RTTN: variants seen among roughly 807,000 people sequenced by gnomAD.
The protein encoded by RTTN is rotatin.
Under a neutral mutation model 269.2 loss-of-function variants are expected in RTTN, and 182 were observed. That is an observed-to-expected ratio of 0.68 (90% CI 0.60 to 0.76). The LOEUF is 0.76. Ranked by LOEUF, RTTN falls within the 30% of genes least tolerant of loss-of-function variation. The probability of loss-of-function intolerance (pLI) is 0.00; values close to 1 mark genes in which losing one functional copy is unlikely to be tolerated. For missense variants in RTTN, 2,545 were observed against 2,608.6 expected (o/e 0.98, Z 0.53); for synonymous variants, 1,006 against 963.5 (o/e 1.04, Z -0.82).
In RTTN at chr18:70,135,774, T is replaced by C. The variant is rs144476817; in HGVS notation, c.2789-494A>G. Among the ~76,000 whole-genome samples, 52 of 152,288 alleles carry C rather than the reference T, an allele frequency of 3.4e-4. 1 individual carries two copies. The East Asian group carries it at 9.1e-3, about 27-fold the overall frequency. ...ATGTTATCCTTGGGCTGTGTCATTG[T>C]TTTGGTTCCTTTTAATTATGACAAG... On this transcript the variant is annotated intron_variant, in intron 21 of 48. Coordinates refer to ENST00000640769, the MANE Select transcript of RTTN (RefSeq NM_173630.4).
intron 14 of RTTN, among the ~76,000 whole-genome samples, chr18:70,151,920 C>T (rs761838158): frequency 6.6e-6 from 1 of 152,112 alleles, no homozygotes; most frequent in Non-Finnish European, 1.5e-5. Flanking sequence ...CACAAGAGTT[C>T]GCTGTCCTCA....
At chr18:70,097,145 T>C (rs1457558716) in intron 28 of RTTN, among the ~76,000 whole-genome samples, 1 of 152,236 alleles carries the variant, frequency 6.6e-6, no homozygotes. Flanking sequence ...GATTTAAAGA[T>C]TTAATTATCA....
At chr18:70,158,083 T>C (rs2060730943) in intron 14 of RTTN, among the ~76,000 whole-genome samples, 1 of 151,818 alleles carries the variant, frequency 6.6e-6, no homozygotes, top group Non-Finnish European at 1.5e-5. Context: ...ATAAGCAAAT[T>C]CAGGAAACTC....
rs985672953 is a variant in RTTN, at chr18:70,134,363, G to A, written c.2954+110C>T. 1.9e-5 allele frequency: 16 copies of A among 829,184 alleles called. No individual in the cohort carries two copies. In the East Asian group the frequency reaches 4.4e-4, roughly 23 times the overall value. 51.4% of individuals were successfully genotyped at this position (829,184 alleles called of 1,614,324 possible). ...TTGTGAAGGAACCATGAAAGCCCAA[G>A]TTATGGGATTTAAATGCTAAATGAA... is the stretch of plus-strand genomic sequence containing the variant. On this transcript the variant is annotated intron_variant, in intron 23 of 48. Coordinates refer to ENST00000640769, the MANE Select transcript of RTTN (RefSeq NM_173630.4).
chr18:70,155,452 C>T (rs1206064606), intron 14 of RTTN, among the ~76,000 whole-genome samples: 1 of 152,206 alleles, frequency 6.6e-6, no homozygotes, highest in East Asian at 1.9e-4. Context: ...TTAAAATTCA[C>T]AACAACACAA....
At chr18:70,099,413 C>T (rs1190834556) in intron 28 of RTTN, among the ~76,000 whole-genome samples, 2 of 152,172 alleles carry the variant, frequency 1.3e-5, no homozygotes, top group Non-Finnish European at 2.9e-5. Context: ...ATCCTTCGCC[C>T]ACTTTTTGAT....
chr18:70,028,440 T>A (rs1319693926), intron 43 of RTTN, among the ~76,000 whole-genome samples: 1 of 152,138 alleles, frequency 6.6e-6, no homozygotes, highest in Non-Finnish European at 1.5e-5. Flanking sequence ...AGAATCTACC[T>A]TATAAAACAC....
Position 70,030,108 on chromosome 18 carries a change from G to T in RTTN, c.5649C>A (p.Ala1883=), listed in dbSNP as rs910634859. ...GCTCCATGCAATTGTCTATAAGATT[G>T]GCTGAAAGACAAAATCTGCAGTAGT... ...SRRAQKHALK[A]NLIDNCMEQM... Residue 1883 remains alanine, a splice_region_variant and synonymous_variant, in exon 42 of 49, where the codon GCC becomes GCA. Transcript: ENST00000640769. 2 of 1,606,258 alleles carry T rather than the reference G, an allele frequency of 1.2e-6. No individual in the cohort carries two copies. Among genetic ancestry groups the T allele is most frequent in the Non-Finnish European group, 1.7e-6 (2 of 1,175,164 alleles).
intron 35 of RTTN, among the ~76,000 whole-genome samples, chr18:70,064,674 T>C (rs2058085145): frequency 6.6e-6 from 1 of 152,084 alleles, no homozygotes; most frequent in Admixed American, 6.5e-5. Flanking sequence ...TTCCGTAGAG[T>C]GCCAAGAATG....
At chr18:70,025,748 C>T (rs540719625) in intron 43 of RTTN, among the ~76,000 whole-genome samples, 13 of 152,324 alleles carry the variant, frequency 8.5e-5, no homozygotes, top group African/African-American at 3.1e-4. Flanking sequence ...ATCTACTCTG[C>T]CATTCTGTCC....
intron 30 of RTTN, among the ~76,000 whole-genome samples, chr18:70,091,251 G>C (rs1028094762): frequency 6.6e-6 from 1 of 152,146 alleles, no homozygotes; most frequent in Non-Finnish European, 1.5e-5. Flanking sequence ...AAGTTCAGGG[G>C]CTCAGGGATG....
At chr18:70,136,990 C>T (rs1004826013) in intron 21 of RTTN, among the ~76,000 whole-genome samples, 3 of 151,916 alleles carry the variant, frequency 2.0e-5, no homozygotes, top group African/African-American at 7.3e-5. Flanking sequence ...AAGGAAGCAA[C>T]ACAATACTGT....
chr18:70,157,138 G>T (rs1290057183), intron 14 of RTTN, among the ~76,000 whole-genome samples: 2 of 146,814 alleles, frequency 1.4e-5, no homozygotes, highest in Non-Finnish European at 3.1e-5. Flanking sequence ...CTTGCCCATG[G>T]TTACCCCCAC....
At chr18:70,075,791 T>C (rs1324135001) in intron 32 of RTTN, among the ~76,000 whole-genome samples, 1 of 152,072 alleles carries the variant, frequency 6.6e-6, no homozygotes, top group Non-Finnish European at 1.5e-5. Context: ...GGCCATTTCA[T>C]TTAAAATGTT....
At chr18:70,030,240 T>C in intron 41 of RTTN, 131 bp from the exon 42 acceptor site, 1 of 604,618 alleles carries the variant, frequency 1.7e-6, no homozygotes, top group Non-Finnish European at 2.8e-6. Context: ...GAATTTTCAG[T>C]CAGAGATTAA....
chr18:70,027,217 T>A (rs1457474845), intron 43 of RTTN, among the ~76,000 whole-genome samples: 1 of 152,212 alleles, frequency 6.6e-6, no homozygotes, highest in South Asian at 2.1e-4. Flanking sequence ...AAACCCCTAA[T>A]GTTATGCATA....
rs2057862110 is a variant in RTTN at position 70,057,833 on chromosome 18, C to G, written c.4941-1G>C. The G allele has an allele frequency of 1.2e-6, 2 of 1,608,514 alleles. No individual in the cohort carries two copies. Among genetic ancestry groups the G allele is most frequent in the African/African-American group, 2.7e-5 (2 of 74,752 alleles). ...CTGTATGAGGGTAGCATCTGCAATG[C>G]TGTGACGATCAGAAAAAGAAAATCC... On this transcript the variant is annotated splice_acceptor_variant, in intron 36 of 48. Coordinates refer to ENST00000640769, the MANE Select transcript of RTTN (RefSeq NM_173630.4). LOFTEE classifies it high-confidence loss of function.
chr18:70,188,308 CTAGT>C, intron 9 of RTTN, 85 bp from the exon 10 acceptor site: 5 of 737,094 alleles, frequency 6.8e-6, no homozygotes, highest in East Asian at 2.5e-5. Context: ...GCTCAATTTT[CTAGT>C]TAGTCATGCT....
intron 14 of RTTN, among the ~76,000 whole-genome samples, chr18:70,159,628 C>A (rs148497834): frequency 2.6e-4 from 39 of 151,916 alleles, no homozygotes; most frequent in African/African-American, 9.2e-4. Flanking sequence ...CACAAAAGAT[C>A]GACAAAACCA....
Sources: allele counts gnomAD v4.1 joint callset (sites outside exome capture counted in the v4.1 genomes callset), GRCh38; gene constraint gnomAD v4.1.1; transcripts MANE v1.5; gene names NCBI Gene and HGNC (gene_info 2026-07-23, HGNC 2026-07-21).